TMEM33: variants seen among roughly 807,000 people sequenced by gnomAD.
TMEM33 encodes the protein transmembrane protein 33.
In TMEM33, 16 loss-of-function variants were observed where a neutral mutation model predicts 29.7. That is an observed-to-expected ratio of 0.54 (90% CI 0.36 to 0.82). TMEM33 has a LOEUF of 0.82. Among genes scored for constraint, TMEM33 ranks in the 40% least tolerant of loss-of-function variants. The pLI is 0.00. For synonymous variants in TMEM33, 112 were observed against 109.4 expected, an observed-to-expected ratio of 1.02 and a Z score of -0.15; for missense variants, 252 against 295.3, an observed-to-expected ratio of 0.85 and a Z score of 1.08.
rs1450501742 is a variant in TMEM33 at position 41,957,171 on chromosome 4, A to G, written c.*2972A>G. On this transcript the variant is annotated 3_prime_UTR_variant, in exon 7 of 7. Coordinates refer to ENST00000504986, the MANE Select transcript of TMEM33 (RefSeq NM_018126.3). ...CCTTATACAAAATCTACTTTATTTTAGCAAGGATTCTCTGTCCTTTTGTAT... is the reference window on the plus strand; with the variant it reads ...CCTTATACAAAATCTACTTTATTTTGGCAAGGATTCTCTGTCCTTTTGTAT... 1 of 152,066 alleles carries G rather than the reference A, an allele frequency of 6.6e-6. No individual in the cohort carries two copies. Among genetic ancestry groups the G allele is most frequent in the East Asian group, 1.9e-4 (1 of 5,194 alleles). 9.4% of individuals were successfully genotyped at this position (152,066 alleles called of 1,614,324 possible).
chr4:41,952,273 T>C (rs1713074928), intron 6 of TMEM33, among the ~76,000 whole-genome samples: 1 of 152,214 alleles, frequency 6.6e-6, no homozygotes, highest in Non-Finnish European at 1.5e-5. Flanking sequence ...CCAAATATTA[T>C]TATTCCTGTC....
intron 3 of TMEM33, among the ~76,000 whole-genome samples, chr4:41,940,234 TTAG>T (rs1034173251): frequency 3.9e-5 from 6 of 151,922 alleles, no homozygotes; most frequent in Admixed American, 1.3e-4. Context: ...ACTAAGAGAG[TTAG>T]TAGGGTTTTT....
Position 41,958,698 on chromosome 4 carries a change from C to CTTTTTTTTTTTTTTTTTTT in TMEM33, c.*4500_*4501insTTTTTTTTTTTTTTTTTTT, listed in dbSNP as rs1560522125. 2.3e-5 allele frequency: 3 copies of CTTTTTTTTTTTTTTTTTTT among 132,476 alleles called. No homozygotes were observed. Among genetic ancestry groups the CTTTTTTTTTTTTTTTTTTT allele is most frequent in the African/African-American group, 6.3e-5 (2 of 31,816 alleles). The allele number at this position is 132,476 out of a possible 1,614,324, so 8.2% of individuals were successfully genotyped here. A position where few individuals can be genotyped will look rare whatever the true frequency, so the allele number is the denominator to read the frequency against. Reference sequence around the variant, plus strand: ...TTGTAGAGACAACTAGTTTCTCTCGCTCTTTTTTTTTTTTTTTTTTTTTTT... The same window carrying CTTTTTTTTTTTTTTTTTTT: ...TTGTAGAGACAACTAGTTTCTCTCGCTTTTTTTTTTTTTTTTTTTTCTTTTTTTTTTTTTTTTTTTTTTT... On this transcript the variant is annotated 3_prime_UTR_variant, in exon 7 of 7. Transcript: ENST00000504986.
intron 6 of TMEM33, chr4:41,953,745 C>T (rs1324340244): frequency 1.3e-5 from 6 of 460,858 alleles, no homozygotes; most frequent in Non-Finnish European, 2.6e-5. Context: ...ACTGCTTCAT[C>T]TTATATTTGT....
intron 5 of TMEM33, among the ~76,000 whole-genome samples, chr4:41,946,882 G>A (rs1712819595): frequency 6.6e-6 from 1 of 151,812 alleles, no homozygotes; most frequent in Non-Finnish European, 1.5e-5. Flanking sequence ...ACTTAATCCT[G>A]CTTTTGGGTC....
At chr4:41,935,633 A>T in intron 1 of TMEM33, 104 bp downstream of exon 1, 3 of 1,148,658 alleles carry the variant, frequency 2.6e-6, no homozygotes, top group African/African-American at 1.5e-5. Flanking sequence ...GCATTCAGGA[A>T]TGGGATTAAT....
intron 4 of TMEM33, 96 bp downstream of exon 4, chr4:41,943,910 T>G (rs1329180603): frequency 3.7e-6 from 4 of 1,076,676 alleles, no homozygotes; most frequent in Non-Finnish European, 5.6e-6. Context: ...AAAAAGTCCC[T>G]CTATACCTTA....
intron 1 of TMEM33, among the ~76,000 whole-genome samples, chr4:41,937,931 T>A (rs760861263): frequency 2.0e-5 from 3 of 151,798 alleles, no homozygotes; most frequent in Non-Finnish European, 2.9e-5. Flanking sequence ...TGGGGGAACA[T>A]GGAGGTGATA....
chr4:41,941,763 G>A (rs1343241734), intron 3 of TMEM33, among the ~76,000 whole-genome samples: 1 of 152,128 alleles, frequency 6.6e-6, no homozygotes, highest in Non-Finnish European at 1.5e-5. Flanking sequence ...AAATAAAAGC[G>A]GGCCCAAAGT....
At chr4:41,935,174 A>G (rs937088438), upstream of TMEM33, 28 of 486,306 alleles carry the variant, frequency 5.8e-5, 1 homozygote, top group Non-Finnish European at 9.6e-5. Context: ...CCGGCGGCGT[A>G]GGTTGGCTCT....
intron 3 of TMEM33, among the ~76,000 whole-genome samples, chr4:41,940,046 C>CTTTTT (rs71650953): frequency 0.03 from 2,386 of 80,620 alleles, 9 homozygotes; most frequent in East Asian, 0.077. Context: ...GTTAAACTTT[C>CTTTTT]TTTTTTTTTT....
intron 4 of TMEM33, 21 bp from the exon 5 acceptor site, chr4:41,944,772 G>A: frequency 6.2e-7 from 1 of 1,610,716 alleles, no homozygotes; most frequent in Non-Finnish European, 8.5e-7. Context: ...TATTTCTAAT[G>A]TTGGTTTTCT....
At position 41,937,170 on chromosome 4, in the gene TMEM33, C is replaced by T. The variant is rs563950828; in HGVS notation, c.46-1432C>T. Among the ~76,000 whole-genome samples the T allele has an allele frequency of 4.0e-5, 6 of 151,476 alleles. No individual in the cohort carries two copies. In the East Asian group the frequency reaches 5.8e-4, roughly 15 times the overall value. Reference sequence around the variant, plus strand: ...ATACATAAGTGTGTACAAAATGAAACGCATAGCTCAATGATTTATTGCAGA... The same window carrying T: ...ATACATAAGTGTGTACAAAATGAAATGCATAGCTCAATGATTTATTGCAGA... On this transcript the variant is annotated intron_variant, in intron 1 of 6. Transcript: ENST00000504986.
chr4:41,939,828 G>C (rs1266875216), intron 3 of TMEM33: 1 of 455,448 alleles, frequency 2.2e-6, no homozygotes, highest in Non-Finnish European at 4.4e-6. Flanking sequence ...TATTTAAGCA[G>C]GTAATGAGAT....
chr4:41,943,206 T>C (rs1454442254), intron 3 of TMEM33, among the ~76,000 whole-genome samples: 1 of 152,176 alleles, frequency 6.6e-6, no homozygotes, highest in Non-Finnish European at 1.5e-5. Context: ...AACCTTTTTT[T>C]CACTATTAAT....
At chr4:41,941,667 C>T (rs1225267093) in intron 3 of TMEM33, among the ~76,000 whole-genome samples, 1 of 152,008 alleles carries the variant, frequency 6.6e-6, no homozygotes, top group East Asian at 1.9e-4. Context: ...TAAATTCTTA[C>T]AAAGGGAATG....
At position 41,938,790 on chromosome 4, in the gene TMEM33, G is replaced by C. The variant is rs576390896; in HGVS notation, c.140+94G>C. Reference sequence around the variant, plus strand: ...GGTGTAAGACTTATTAACCTGTAAAGGGTTTAGGGACAAATAAAATACAAG... The same window carrying C: ...GGTGTAAGACTTATTAACCTGTAAACGGTTTAGGGACAAATAAAATACAAG... On this transcript the variant is annotated intron_variant, in intron 2 of 6. Coordinates refer to ENST00000504986, the MANE Select transcript of TMEM33 (RefSeq NM_018126.3). The C allele has an allele frequency of 1.7e-5, 20 of 1,156,886 alleles. 1 individual carries two copies. Among genetic ancestry groups the C allele is most frequent in the Non-Finnish European group, 2.5e-5 (19 of 773,886 alleles). The allele number at this position is 1,156,886 out of a possible 1,614,324, so 71.7% of individuals were successfully genotyped here.
chr4:41,942,607 G>A (rs1712591350), intron 3 of TMEM33, among the ~76,000 whole-genome samples: 1 of 151,924 alleles, frequency 6.6e-6, no homozygotes, highest in Non-Finnish European at 1.5e-5. Flanking sequence ...TTTGCCATTT[G>A]TGATTGACTA....
intron 5 of TMEM33, among the ~76,000 whole-genome samples, chr4:41,947,074 A>G (rs1712828398): frequency 6.6e-6 from 1 of 152,094 alleles, no homozygotes; most frequent in Non-Finnish European, 1.5e-5. Context: ...CGTCTCTACT[A>G]AAAATACAAA....
Sources: allele counts gnomAD v4.1 joint callset (sites outside exome capture counted in the v4.1 genomes callset), GRCh38; gene constraint gnomAD v4.1.1; transcripts MANE v1.5; gene names NCBI Gene and HGNC (gene_info 2026-07-23, HGNC 2026-07-21).